Variants in SCN3A observed in about 807,000 individuals in gnomAD.
SCN3A encodes sodium channel protein type 3 subunit alpha.
A neutral mutation model predicts 187.6 loss-of-function variants in SCN3A; 60 were observed. That is an observed-to-expected ratio of 0.32 (90% CI 0.26 to 0.40). SCN3A has a LOEUF of 0.40. Among genes scored for constraint, SCN3A ranks in the 10% least tolerant of loss-of-function variants. SCN3A has a pLI of 1.00. For missense variants in SCN3A, 1,601 were observed against 2,428.2 expected (o/e 0.66, Z 7.16); for synonymous variants, 788 against 829.2 (o/e 0.95, Z 0.85).
At chr2:165,179,492 A>G (rs559396600) in intron 2 of SCN3A, 1 of 152,362 alleles carries the variant, frequency 6.6e-6, no homozygotes, top group East Asian at 1.9e-4. Flanking sequence ...CTGAGATGAT[A>G]TGGAACAAGG....
chr2:165,176,726 C>T (rs1463680082), intron 2 of SCN3A, among the ~76,000 whole-genome samples: 3 of 151,912 alleles, frequency 2.0e-5, no homozygotes, highest in African/African-American at 7.3e-5. Context: ...TATATTTTAC[C>T]TCAAGAATAT....
chr2:165,146,638 C>T, intron 12 of SCN3A, 101 bp downstream of exon 12: 2 of 1,231,460 alleles, frequency 1.6e-6, no homozygotes, highest in Middle Eastern at 1.9e-4. Flanking sequence ...CCCTGTCCCT[C>T]ACTGAAGTCA....
chr2:165,192,827 A>G (rs1488322096), intron 1 of SCN3A, among the ~76,000 whole-genome samples: 1 of 152,116 alleles, frequency 6.6e-6, no homozygotes, highest in East Asian at 1.9e-4. Flanking sequence ...CTTGAGGAGA[A>G]GGATGTATTG....
In SCN3A at chr2:165,087,531, C is replaced by T. The variant is rs1262659375; in HGVS notation, c.*2619G>A. ...AAGAAGCCAATGAATTCCAATTAGCCACCTTATATAATTTATTATGGGAGA... is the reference window on the plus strand; with the variant it reads ...AAGAAGCCAATGAATTCCAATTAGCTACCTTATATAATTTATTATGGGAGA... On this transcript the variant is annotated 3_prime_UTR_variant, in exon 28 of 28. Coordinates refer to ENST00000283254, the MANE Select transcript of SCN3A (RefSeq NM_006922.4). 1 of 151,834 alleles carries T rather than the reference C, an allele frequency of 6.6e-6. No homozygotes were observed. Among genetic ancestry groups the T allele is most frequent in the Non-Finnish European group, 1.5e-5 (1 of 67,962 alleles). The allele number at this position is 151,834 out of a possible 1,614,324, so 9.4% of individuals were successfully genotyped here.
chr2:165,146,423 G>GAC (rs1307843024), intron 12 of SCN3A, among the ~76,000 whole-genome samples: 2 of 136,134 alleles, frequency 1.5e-5, no homozygotes, highest in African/African-American at 5.5e-5. Context: ...TGTGTGTATA[G>GAC]ACACATATAT....
intron 11 of SCN3A, among the ~76,000 whole-genome samples, chr2:165,153,024 T>C (rs1295229639): frequency 2.2e-5 from 3 of 135,038 alleles, no homozygotes; most frequent in Non-Finnish European, 4.7e-5. Context: ...GAACAAAAAG[T>C]TGGGGACCTG....
rs1686196188 is a variant in SCN3A, at chr2:165,113,049, C to T, written c.3679G>A (p.Asp1227Asn). 1 of 1,610,474 alleles carries T rather than the reference C, an allele frequency of 6.2e-7. No homozygotes were observed. Among genetic ancestry groups the T allele is most frequent in the Admixed American group, 1.7e-5 (1 of 59,852 alleles). ...GTCTTTCGCTGTTCAATGTATATAT[C>T]TTCAAAGGCCTATGAATCAAAAATA... ...LLSSGALAFE[D>N]IYIEQRKTIK... The change falls in exon 21 of 28, where the codon GAT (aspartate) becomes AAT (asparagine). Residue 1227 changes from aspartate (D) to asparagine (N), a missense_variant. Transcript: ENST00000283254.
chr2:165,176,030 A>G, intron 3 of SCN3A, 101 bp downstream of exon 3: 2 of 1,086,088 alleles, frequency 1.8e-6, no homozygotes, highest in East Asian at 2.5e-5. Flanking sequence ...TAAAATCTTT[A>G]ACAGAAGAAA....
intron 18 of SCN3A, among the ~76,000 whole-genome samples, chr2:165,123,367 G>T (rs1686804615): frequency 6.6e-6 from 1 of 151,926 alleles, no homozygotes; most frequent in Non-Finnish European, 1.5e-5. Context: ...AACTTCTAGG[G>T]ATCATTTCTC....
At chr2:165,186,890 T>A (rs759119139) in intron 1 of SCN3A, 143 bp from the exon 2 acceptor site, 4 of 152,230 alleles carry the variant, frequency 2.6e-5, no homozygotes, top group Non-Finnish European at 5.9e-5. Context: ...AGCAAGATAT[T>A]TGACCCTTGT....
chr2:165,107,115 T>C (rs1307236166), intron 21 of SCN3A, among the ~76,000 whole-genome samples: 1 of 152,156 alleles, frequency 6.6e-6, no homozygotes, highest in Non-Finnish European at 1.5e-5. Flanking sequence ...ATGATGAACA[T>C]GTGCAGATAA....
chr2:165,122,420 A>G (rs760109917), intron 18 of SCN3A, among the ~76,000 whole-genome samples: 1 of 152,014 alleles, frequency 6.6e-6, no homozygotes, highest in African/African-American at 2.4e-5. Context: ...ATTTACTTAT[A>G]AAGGCTGAAT....
chr2:165,120,165 G>C (rs1415288436), intron 18 of SCN3A, among the ~76,000 whole-genome samples: 1 of 151,970 alleles, frequency 6.6e-6, no homozygotes. Flanking sequence ...GCAGAAGCCC[G>C]GCGCAATGCT....
intron 15 of SCN3A, among the ~76,000 whole-genome samples, chr2:165,135,707 T>G (rs1191198372): frequency 6.6e-6 from 1 of 152,160 alleles, no homozygotes; most frequent in African/African-American, 2.4e-5. Context: ...TGGGTAGATA[T>G]TCTATGAACA....
At chr2:165,141,531 C>A (rs1313474903) in intron 12 of SCN3A, among the ~76,000 whole-genome samples, 4 of 152,170 alleles carry the variant, frequency 2.6e-5, no homozygotes, top group African/African-American at 9.7e-5. Context: ...TTTTTCCATT[C>A]TCTTCTTTTG....
intron 1 of SCN3A, among the ~76,000 whole-genome samples, chr2:165,197,789 A>G (rs776509472): frequency 2.6e-5 from 4 of 152,000 alleles, no homozygotes; most frequent in Non-Finnish European, 5.9e-5. Context: ...ATGGTGAATT[A>G]TATTTTTGCC....
At chr2:165,177,627 T>G (rs1481224648) in intron 2 of SCN3A, among the ~76,000 whole-genome samples, 1 of 151,942 alleles carries the variant, frequency 6.6e-6, no homozygotes, top group Non-Finnish European at 1.5e-5. Context: ...AACTGAGAAG[T>G]GCAGTGTATA....
At chr2:165,123,355 A>T (rs538280621) in intron 18 of SCN3A, among the ~76,000 whole-genome samples, 2 of 152,266 alleles carry the variant, frequency 1.3e-5, no homozygotes, top group Non-Finnish European at 2.9e-5. Context: ...TTTATCTCTA[A>T]AAACTTCTAG....
intron 11 of SCN3A, among the ~76,000 whole-genome samples, chr2:165,149,238 T>C (rs1380942723): frequency 1.3e-5 from 2 of 151,762 alleles, no homozygotes; most frequent in Non-Finnish European, 2.9e-5. Context: ...TGCAATGGCA[T>C]GATCTCGGCT....
Sources: gnomAD v4.1 joint callset for allele counts (sites outside exome capture counted in the v4.1 genomes callset) on GRCh38, gnomAD v4.1.1 for gene constraint, MANE v1.5 for transcripts, NCBI Gene and HGNC (gene_info 2026-07-23, HGNC 2026-07-21) for gene names.